Variants in CA1 observed in about 807,000 individuals in gnomAD.
The protein encoded by CA1 is carbonic anhydrase 1, also known as carbonate dehydratase I.
A neutral mutation model predicts 28.8 loss-of-function variants in CA1; 27 were observed. The observed-to-expected ratio is 0.94, with a 90% CI of 0.69 to 1.29. The LOEUF is 1.29. Among genes scored for constraint, CA1 ranks in the 50% most tolerant of loss-of-function variants. The pLI is 0.00. For synonymous variants in CA1, 121 were observed against 108.8 expected, an observed-to-expected ratio of 1.11 and a Z score of -0.70; for missense variants, 335 against 310.5, an observed-to-expected ratio of 1.08 and a Z score of -0.59.
chr8:85,350,396 G>T (rs903025000), intron 1 of CA1, among the ~76,000 whole-genome samples: 1 of 152,150 alleles, frequency 6.6e-6, no homozygotes, highest in Non-Finnish European at 1.5e-5. Context: ...AAACCCCAGG[G>T]TTATGAGTGA....
chr8:85,346,622 C>T (rs1297773108), intron 1 of CA1, among the ~76,000 whole-genome samples: 2 of 151,922 alleles, frequency 1.3e-5, no homozygotes, highest in African/African-American at 4.8e-5. Flanking sequence ...ATTAGCCAGG[C>T]GTGATGGTAG....
intron 1 of CA1, among the ~76,000 whole-genome samples, chr8:85,371,049 A>G (rs1311610549): frequency 6.6e-6 from 1 of 152,146 alleles, no homozygotes; most frequent in African/African-American, 2.4e-5. Flanking sequence ...TATAGTGACT[A>G]CTGCCATCTT....
rs749467772 is a variant in CA1 at position 85,328,569 on chromosome 8, A to G, written c.777T>C (p.Ala259=). 4.4e-6 allele frequency: 7 copies of G among 1,593,192 alleles called. No individual in the cohort carries two copies. The Admixed American group carries it at 1.2e-4, about 27-fold the overall frequency. Residue 259 remains alanine, a synonymous_variant, in exon 8 of 8, where the codon GCT becomes GCC. Coordinates refer to ENST00000523022, the MANE Select transcript of CA1 (RefSeq NM_001128831.4). ...TTTCTTCTCAGAATCATCAAAATGA[A>G]GCTCTCACTGTTCTGCCCTTCAGAG... ...TQPLKGRTVR[A]SF
In CA1 at chr8:85,329,234, T is replaced by C. The variant is rs2130112379; in HGVS notation, c.669+455A>G. Reference sequence around the variant, plus strand: ...ACATGGTAGAGCAATGAATGATACTTACTATAATCACCATTATTAACAACA... The same window carrying C: ...ACATGGTAGAGCAATGAATGATACTCACTATAATCACCATTATTAACAACA... On this transcript the variant is annotated intron_variant, in intron 7 of 7. Coordinates refer to ENST00000523022, the MANE Select transcript of CA1 (RefSeq NM_001128831.4). Among the ~76,000 whole-genome samples the C allele has an allele frequency of 1.3e-5, 2 of 152,310 alleles. 1 individual carries two copies. The highest frequency in any genetic ancestry group is 4.1e-4 in the South Asian group (2 of 4,830).
intron 1 of CA1, among the ~76,000 whole-genome samples, chr8:85,359,840 C>T (rs1197090291): frequency 9.2e-5 from 14 of 152,198 alleles, no homozygotes. Flanking sequence ...TTGATATACC[C>T]TGGGACATCC....
rs7838298 is a variant in CA1 at position 85,346,757 on chromosome 8, C to T, written c.-24-5098G>A. 7.0e-3 allele frequency among the ~76,000 whole-genome samples: 1,057 copies of T among 151,720 alleles called. 9 individuals are homozygous for T. The highest frequency in any genetic ancestry group is 0.024 in the African/African-American group (981 of 41,326). On this transcript the variant is annotated intron_variant, in intron 1 of 7. Transcript: ENST00000523022. ...AGCCTGGGCAACAAGAGTGAAACTCCGTCTCAAAATAAATAAATAAATAAT... is the reference window on the plus strand; with the variant it reads ...AGCCTGGGCAACAAGAGTGAAACTCTGTCTCAAAATAAATAAATAAATAAT...
At chr8:85,345,511 TCACCAC>T (rs1056756559) in intron 1 of CA1, among the ~76,000 whole-genome samples, 3 of 152,234 alleles carry the variant, frequency 2.0e-5, no homozygotes, top group African/African-American at 7.2e-5. Context: ...ATCATTTTTT[TCACCAC>T]CATGTTCTCT....
At chr8:85,349,011 A>G (rs1809305701) in intron 1 of CA1, among the ~76,000 whole-genome samples, 1 of 152,214 alleles carries the variant, frequency 6.6e-6, no homozygotes, top group African/African-American at 2.4e-5. Flanking sequence ...AAGGGACATA[A>G]TCTGACCCCC....
At chr8:85,371,933 A>G (rs999789339) in intron 1 of CA1, among the ~76,000 whole-genome samples, 2 of 152,206 alleles carry the variant, frequency 1.3e-5, no homozygotes, top group African/African-American at 4.8e-5. Flanking sequence ...CACCAAGTAT[A>G]TGTCAGGTCC....
At chr8:85,339,569 A>G (rs1808829580) in intron 2 of CA1, among the ~76,000 whole-genome samples, 1 of 152,228 alleles carries the variant, frequency 6.6e-6, no homozygotes, top group South Asian at 2.1e-4. Flanking sequence ...AGTGAGAGGA[A>G]GAGTCACATG....
chr8:85,353,465 A>G (rs1169977625), intron 1 of CA1, among the ~76,000 whole-genome samples: 1 of 152,246 alleles, frequency 6.6e-6, no homozygotes, highest in Non-Finnish European at 1.5e-5. Flanking sequence ...ATACATGGGT[A>G]TAACTGCACG....
chr8:85,341,606 G>T lies in CA1; in HGVS notation c.30C>A (p.Asp10Glu), dbSNP rs1300861025. ...AAACAGGAGAACTCTTACCATTTTT[G>T]TCATCATATCCCCAGTCTGGACTTG... MASPDWGYD[D>E]KNGPEQWSKL... Residue 10 changes from aspartate to glutamate, a missense_variant, in exon 2 of 8, where the codon GAC becomes GAA. Coordinates refer to ENST00000523022, the MANE Select transcript of CA1 (RefSeq NM_001128831.4). 1.3e-6 allele frequency: 2 copies of T among 1,591,728 alleles called. No individual in the cohort carries two copies. Among genetic ancestry groups the T allele is most frequent in the African/African-American group, 1.3e-5 (1 of 74,550 alleles).
intron 5 of CA1, 131 bp downstream of exon 5, chr8:85,333,394 C>T (rs1381248786): frequency 3.1e-6 from 2 of 648,942 alleles, no homozygotes; most frequent in Non-Finnish European, 5.7e-6. Context: ...TATTTGTTCA[C>T]CTGTAGTCAT....
chr8:85,360,635 G>A (rs1364851442), intron 1 of CA1, among the ~76,000 whole-genome samples: 2 of 152,198 alleles, frequency 1.3e-5, no homozygotes, highest in Non-Finnish European at 2.9e-5. Flanking sequence ...CAAAGCTGCA[G>A]TAAGCTGTGT....
Position 85,329,674 on chromosome 8 carries a change from C to G in CA1, c.669+15G>C. 2 of 1,604,922 alleles carry G rather than the reference C, an allele frequency of 1.2e-6. No individual in the cohort carries two copies. Among genetic ancestry groups the G allele is most frequent in the Admixed American group, 3.4e-5 (2 of 59,632 alleles). The stretch of plus-strand genomic sequence containing the variant: ...CTGCTACGCATTCCCAGTTCCCATT[C>G]ATTCACAACTCTACCTGCTCTGAGC... On this transcript the variant is annotated intron_variant, in intron 7 of 7. Coordinates refer to ENST00000523022, the MANE Select transcript of CA1 (RefSeq NM_001128831.4).
In CA1 at chr8:85,333,568, G is replaced by A; in HGVS notation, c.407C>T (p.Ala136Val). 6.2e-7 allele frequency: 1 copy of A among 1,612,864 alleles called. No individual in the cohort carries two copies. Among genetic ancestry groups the A allele is most frequent in the Non-Finnish European group, 8.5e-7 (1 of 1,179,168 alleles). ...SAKYSSLAEA[A>V]SKADGLAVIG... ...AACTGCCAAACCATCAGCCTTTGAG[G>A]CAGCTTCAGCAAGGCTGGAGTACTT... is the stretch of plus-strand genomic sequence containing the variant. The change falls in exon 5 of 8, where the codon GCC becomes GTC. Residue 136 changes from alanine to valine, a missense_variant. Transcript: ENST00000523022.
Position 85,329,722 on chromosome 8 carries a change from G to A in CA1, c.636C>T (p.Ile212=). The A allele has an allele frequency of 6.2e-7, 1 of 1,610,344 alleles. No homozygotes were observed. Among genetic ancestry groups the A allele is most frequent in the African/African-American group, 1.3e-5 (1 of 74,942 alleles). Residue 212 remains isoleucine (I), a synonymous_variant, in exon 7 of 8, where the codon ATC becomes ATT. Coordinates refer to ENST00000523022, the MANE Select transcript of CA1 (RefSeq NM_001128831.4). ...PPLYESVTWI[I]CKESISVSSE... ...AGCTGACACTGATGCTCTCCTTACA[G>A]ATGATCCAAGTTACACTCTCATAAA...
At chr8:85,377,074 A>G (rs1225357402) in intron 1 of CA1, among the ~76,000 whole-genome samples, 1 of 152,238 alleles carries the variant, frequency 6.6e-6, no homozygotes, top group Admixed American at 6.5e-5. Flanking sequence ...TTAATTATTT[A>G]ATCCTTGAGA....
intron 1 of CA1, chr8:85,342,671 G>C (rs981894235): frequency 7.2e-5 from 11 of 152,356 alleles, no homozygotes; most frequent in African/African-American, 2.6e-4. Flanking sequence ...TGATTAGGAT[G>C]TGCCAGACTC....
Sources: allele counts gnomAD v4.1 joint callset (sites outside exome capture counted in the v4.1 genomes callset), GRCh38; gene constraint gnomAD v4.1.1; transcripts MANE v1.5; gene names NCBI Gene and HGNC (gene_info 2026-07-23, HGNC 2026-07-21).